The following KCTD1 variants were observed in gnomAD, a reference collection of about 807,000 sequenced individuals.
The protein encoded by KCTD1 is BTB/POZ domain-containing protein KCTD1.
Under a neutral mutation model 66.0 loss-of-function variants are expected in KCTD1, and 24 were observed. The observed-to-expected ratio is 0.36, with a 90% CI of 0.26 to 0.51. KCTD1 has a LOEUF of 0.51. Ranked by LOEUF, KCTD1 falls within the 20% of genes least tolerant of loss-of-function variation. The pLI, the probability that KCTD1 is intolerant of heterozygous loss-of-function variation, is 0.95. For missense variants in KCTD1, 943 were observed against 1,205.2 expected (o/e 0.78, Z 3.22); for synonymous variants, 511 against 517.2 (o/e 0.99, Z 0.16).
chr18:26,472,593 C>T (rs906365236), intron 3 of KCTD1, among the ~76,000 whole-genome samples: 1 of 152,164 alleles, frequency 6.6e-6, no homozygotes, highest in African/African-American at 2.4e-5. Context: ...ATTGTTCCCC[C>T]ACCTCTCCAC....
At chr18:26,586,482 C>G (rs1386544617) in intron 1 of KCTD1, among the ~76,000 whole-genome samples, 1 of 152,128 alleles carries the variant, frequency 6.6e-6, no homozygotes, top group Non-Finnish European at 1.5e-5. Context: ...CAACTAATAA[C>G]CCTACAATGG....
At chr18:26,545,451 C>A (rs1985166385) in intron 1 of KCTD1, 1 of 152,178 alleles carries the variant, frequency 6.6e-6, no homozygotes, top group African/African-American at 2.4e-5. Flanking sequence ...CACTCGCAGC[C>A]CCTTTCTCAG....
intron 1 of KCTD1, chr18:26,599,764 C>T: frequency 6.3e-7 from 1 of 1,577,950 alleles, no homozygotes; most frequent in South Asian, 1.1e-5. Flanking sequence ...CACCCTGACT[C>T]TTTCTGGTCT....
At chr18:26,493,134 T>A (rs1438404452) in intron 2 of KCTD1, among the ~76,000 whole-genome samples, 5 of 152,010 alleles carry the variant, frequency 3.3e-5, no homozygotes, top group South Asian at 2.1e-4. Flanking sequence ...TGAGACTGAG[T>A]TTTGGGTTAA....
Position 26,547,382 on chromosome 18 carries a change from G to C in KCTD1, c.1155C>G (p.Phe385Leu). The C allele has an allele frequency of 6.4e-7, 1 of 1,551,434 alleles. No individual in the cohort carries two copies. The highest frequency in any genetic ancestry group is 8.7e-7 in the Non-Finnish European group (1 of 1,146,774). Reference sequence around the variant, plus strand: ...ACTTGACGAAGCTGGCGTAGGGGCAGAACTCGGTGCCCGTCTCATACATGC... The same window carrying C: ...ACTTGACGAAGCTGGCGTAGGGGCACAACTCGGTGCCCGTCTCATACATGC... The part of the protein sequence containing the change: ...LPRMYETGTE[F>L]CPYASFVKYL... The change falls in exon 1 of 5, where the codon TTC (phenylalanine) becomes TTG (leucine). Residue 385 changes from phenylalanine to leucine, a missense_variant. Phe to Leu is a conservative substitution (Grantham distance 22). Coordinates refer to ENST00000580059, the MANE Select transcript of KCTD1 (RefSeq NM_001142730.3).
At chr18:26,491,021 G>T (rs1448229163) in intron 2 of KCTD1, among the ~76,000 whole-genome samples, 1 of 152,124 alleles carries the variant, frequency 6.6e-6, no homozygotes, top group Non-Finnish European at 1.5e-5. Flanking sequence ...CCAAAGTGCT[G>T]GGATTACAGG....
At chr18:26,538,620 G>A (rs1398540690) in intron 1 of KCTD1, among the ~76,000 whole-genome samples, 1 of 152,214 alleles carries the variant, frequency 6.6e-6, no homozygotes, top group East Asian at 1.9e-4. Flanking sequence ...ATAAAGATCT[G>A]CATTTGTTCA....
chr18:26,497,162 C>G (rs1982521600), intron 2 of KCTD1, among the ~76,000 whole-genome samples: 1 of 152,150 alleles, frequency 6.6e-6, no homozygotes, highest in Admixed American at 6.5e-5. Flanking sequence ...AGTAAAGGTT[C>G]TTTGCAGGAA....
intron 1 of KCTD1, among the ~76,000 whole-genome samples, chr18:26,572,931 T>C (rs1986141752): frequency 6.6e-6 from 1 of 152,074 alleles, no homozygotes; most frequent in Non-Finnish European, 1.5e-5. Flanking sequence ...TTATATTAAG[T>C]AGACAACTAA....
intron 1 of KCTD1, among the ~76,000 whole-genome samples, chr18:26,575,803 T>C (rs957910684): frequency 3.9e-5 from 6 of 152,238 alleles, no homozygotes; most frequent in African/African-American, 1.4e-4. Context: ...TTACTCATCC[T>C]GCCCTCCCTA....
chr18:26,577,734 T>G (rs1453823984), intron 1 of KCTD1, among the ~76,000 whole-genome samples: 2 of 151,968 alleles, frequency 1.3e-5, no homozygotes, highest in Non-Finnish European at 2.9e-5. Flanking sequence ...TGTTTTTTTT[T>G]GTTTGTTTTT....
intron 2 of KCTD1, among the ~76,000 whole-genome samples, chr18:26,495,105 AT>A (rs57353421): frequency 0.12 from 18,372 of 147,896 alleles, 1,264 homozygotes; most frequent in African/African-American, 0.19. Context: ...AATTGAATGC[AT>A]TTTTTTTTTT....
chr18:26,548,599 G>C (rs1351692450), upstream of KCTD1: 1 of 1,195,506 alleles, frequency 8.4e-7, no homozygotes. Context: ...GCAGCGCTGA[G>C]AGCTTTTGTG....
chr18:26,500,106 A>G (rs749052122), intron 2 of KCTD1, among the ~76,000 whole-genome samples: 5 of 151,646 alleles, frequency 3.3e-5, no homozygotes, highest in Admixed American at 6.6e-5. Flanking sequence ...ACATAGCGCG[A>G]CCCCATCTCT....
chr18:26,621,122 C>G (rs1987374330), intron 1 of KCTD1, among the ~76,000 whole-genome samples: 1 of 152,210 alleles, frequency 6.6e-6, no homozygotes, highest in Non-Finnish European at 1.5e-5. Context: ...CGTGAGCCAC[C>G]GTGCACGGCC....
At chr18:26,592,386 T>C (rs553969893) in intron 1 of KCTD1, among the ~76,000 whole-genome samples, 1 of 152,364 alleles carries the variant, frequency 6.6e-6, no homozygotes, top group African/African-American at 2.4e-5. Flanking sequence ...CTCAGAATTC[T>C]GCAGTCGCTT....
intron 1 of KCTD1, chr18:26,640,266 T>A (rs891336147): frequency 6.6e-6 from 1 of 152,028 alleles, no homozygotes; most frequent in Admixed American, 6.6e-5. Flanking sequence ...TGAGACCTCA[T>A]CCCTCCAGAA....
At chr18:26,488,216 T>C (rs1374414223) in intron 2 of KCTD1, among the ~76,000 whole-genome samples, 3 of 152,048 alleles carry the variant, frequency 2.0e-5, no homozygotes, top group Non-Finnish European at 4.4e-5. Context: ...TCCCTAGGTT[T>C]CCTTGGTTGA....
chr18:26,590,011 T>A (rs2144941698), intron 1 of KCTD1, among the ~76,000 whole-genome samples: 1 of 152,332 alleles, frequency 6.6e-6, no homozygotes, highest in Admixed American at 6.5e-5. Context: ...CTTCTGTTGT[T>A]AAGTTGCCAA....
Sources: gnomAD v4.1 joint callset for allele counts (sites outside exome capture counted in the v4.1 genomes callset) on GRCh38, gnomAD v4.1.1 for gene constraint, MANE v1.5 for transcripts, NCBI Gene and HGNC (gene_info 2026-07-23, HGNC 2026-07-21) for gene names.